Variants in ZPLD1 observed in about 807,000 individuals in gnomAD.
ZPLD1 encodes zona pellucida like domain containing 1.
ZPLD1 carries 34 observed loss-of-function variants against 47.2 expected under a neutral mutation model. The observed-to-expected ratio is 0.72, with a 90% CI of 0.55 to 0.96. The LOEUF is 0.96. Among genes scored for constraint, ZPLD1 ranks in the 40% least tolerant of loss-of-function variants. ZPLD1 has a pLI of 0.00. For missense variants in ZPLD1, 512 were observed against 505.8 expected (o/e 1.01, Z -0.12); for synonymous variants, 176 against 186.2 (o/e 0.95, Z 0.45).
intron 3 of ZPLD1, among the ~76,000 whole-genome samples, chr3:102,446,843 T>C (rs1707262854): frequency 6.6e-6 from 1 of 152,210 alleles, no homozygotes; most frequent in South Asian, 2.1e-4. Flanking sequence ...GTCTTCTTTA[T>C]TCAGTAAGCT....
intron 1 of ZPLD1, 59 bp downstream of exon 1, chr3:102,435,213 A>G (rs1707070370): frequency 1.3e-6 from 2 of 1,582,164 alleles, no homozygotes; most frequent in Non-Finnish European, 1.7e-6. Flanking sequence ...TTTAACTTAC[A>G]GTTGAACTAT....
At chr3:102,424,794 A>G (rs914424343) in intron 8 of ZPLD1, among the ~76,000 whole-genome samples, 7 of 152,164 alleles carry the variant, frequency 4.6e-5, no homozygotes, top group African/African-American at 1.7e-4. Flanking sequence ...CCATTCCAAT[A>G]CTTTCTATTT....
intron 3 of ZPLD1, among the ~76,000 whole-genome samples, chr3:102,443,705 A>G (rs185342097): frequency 1.3e-5 from 2 of 152,190 alleles, no homozygotes; most frequent in African/African-American, 4.8e-5. Flanking sequence ...TAATCAATAG[A>G]ATTCATGAGT....
In ZPLD1 at chr3:102,477,036, A is replaced by G. The variant is rs760448333; in HGVS notation, c.1067A>G (p.Gln356Arg). 2 of 1,613,660 alleles carry G rather than the reference A, an allele frequency of 1.2e-6. No homozygotes were observed. The highest frequency in any genetic ancestry group is 3.3e-4 in the Middle Eastern group (2 of 6,058). The change falls in exon 11 of 12, where the codon CAA (glutamine) becomes CGA (arginine). Residue 356 changes from glutamine (Q) to arginine (R), a missense_variant. Coordinates refer to ENST00000466937, the MANE Select transcript of ZPLD1 (RefSeq NM_001329788.2). ...GATGAGACTCCAACCAACAATTCGC[A>G]ACTTGGTAAGATAATTAACATATTT... ...RSDETPTNNS[Q>R]LGSPSMPPFQ... is the part of the protein sequence containing the mutation.
intron 7 of ZPLD1, among the ~76,000 whole-genome samples, chr3:102,417,124 C>A (rs970445060): frequency 6.6e-6 from 1 of 151,808 alleles, no homozygotes; most frequent in Non-Finnish European, 1.5e-5. Flanking sequence ...GTTAAAGTAC[C>A]CTGAGCCAAT....
At chr3:102,388,059 A>G (rs950015885) in intron 6 of ZPLD1, among the ~76,000 whole-genome samples, 1 of 151,748 alleles carries the variant, frequency 6.6e-6, no homozygotes, top group African/African-American at 2.4e-5. Flanking sequence ...ACGGGGTTTC[A>G]CCGTGTTAGC....
chr3:102,388,130 G>A (rs1173058367), intron 6 of ZPLD1, among the ~76,000 whole-genome samples: 1 of 152,066 alleles, frequency 6.6e-6, no homozygotes, highest in Non-Finnish European at 1.5e-5. Flanking sequence ...AAAGTGCTGG[G>A]ATTACAGGCG....
intron 6 of ZPLD1, among the ~76,000 whole-genome samples, chr3:102,459,276 A>G (rs1707470276): frequency 6.6e-6 from 1 of 152,084 alleles, no homozygotes; most frequent in African/African-American, 2.4e-5. Flanking sequence ...AAGCTGTCTG[A>G]GCTTGAGTTG....
intron 4 of ZPLD1, among the ~76,000 whole-genome samples, chr3:102,455,494 G>C (rs1707399191): frequency 6.6e-6 from 1 of 152,146 alleles, no homozygotes; most frequent in Non-Finnish European, 1.5e-5. Context: ...TTATGAACTA[G>C]AGAGGAAGAC....
intron 7 of ZPLD1, among the ~76,000 whole-genome samples, chr3:102,401,512 T>G (rs1291715644): frequency 6.6e-6 from 1 of 152,108 alleles, no homozygotes; most frequent in Non-Finnish European, 1.5e-5. Context: ...GTGCTTTGTC[T>G]TCACACGATA....
At chr3:102,443,064 C>T (rs1293810056) in intron 3 of ZPLD1, among the ~76,000 whole-genome samples, 1 of 152,098 alleles carries the variant, frequency 6.6e-6, no homozygotes, top group African/African-American at 2.4e-5. Context: ...GAAGCCAGGC[C>T]CCCTTCTTTG....
chr3:102,397,856 A>T (rs1400707839), intron 7 of ZPLD1, among the ~76,000 whole-genome samples: 2 of 152,136 alleles, frequency 1.3e-5, no homozygotes, highest in Admixed American at 6.6e-5. Flanking sequence ...TTCACTAATC[A>T]TCAGGGCTTT....
intron 6 of ZPLD1, among the ~76,000 whole-genome samples, chr3:102,460,001 C>G (rs1378782808): frequency 6.6e-6 from 1 of 151,982 alleles, no homozygotes; most frequent in Non-Finnish European, 1.5e-5. Context: ...TTTTTTAACA[C>G]AGTGTCATCA....
intron 7 of ZPLD1, among the ~76,000 whole-genome samples, chr3:102,395,126 G>A (rs2107287302): frequency 6.6e-6 from 1 of 152,064 alleles, no homozygotes; most frequent in East Asian, 1.9e-4. Context: ...GCTTGACAAG[G>A]CAGACAAAAT....
At chr3:102,416,979 C>T (rs945377762) in intron 7 of ZPLD1, among the ~76,000 whole-genome samples, 2 of 150,610 alleles carry the variant, frequency 1.3e-5, no homozygotes, top group Non-Finnish European at 2.9e-5. Flanking sequence ...AAATCACTTA[C>T]CATTTAGGGA....
intron 11 of ZPLD1, 136 bp downstream of exon 11, chr3:102,477,177 A>G (rs1274051284): frequency 1.9e-6 from 2 of 1,049,334 alleles, no homozygotes; most frequent in Non-Finnish European, 2.9e-6. Flanking sequence ...GAGGGTTTTC[A>G]AACTCATATG....
chr3:102,432,129 A>AT (rs903042714), upstream of ZPLD1, among the ~76,000 whole-genome samples: 5 of 151,854 alleles, frequency 3.3e-5, no homozygotes, highest in African/African-American at 7.3e-5. Context: ...AAATACACAC[A>AT]TTTTTTTCTC....
At chr3:102,412,944 C>T (rs745973712) in intron 7 of ZPLD1, among the ~76,000 whole-genome samples, 5 of 151,618 alleles carry the variant, frequency 3.3e-5, no homozygotes, top group East Asian at 2.0e-4. Flanking sequence ...ATTATATGGC[C>T]GCTATCATTA....
At chr3:102,409,350 A>G (rs1395549399) in intron 7 of ZPLD1, among the ~76,000 whole-genome samples, 2 of 151,774 alleles carry the variant, frequency 1.3e-5, no homozygotes, top group Non-Finnish European at 2.9e-5. Flanking sequence ...ATGAGGGCAG[A>G]TCCCTCATGG....
Sources: allele counts gnomAD v4.1 joint callset (sites outside exome capture counted in the v4.1 genomes callset), GRCh38; gene constraint gnomAD v4.1.1; transcripts MANE v1.5; gene names NCBI Gene and HGNC (gene_info 2026-07-23, HGNC 2026-07-21).